Variants in RUBCN observed in about 807,000 individuals in gnomAD.
RUBCN encodes the protein rubicon autophagy regulator.
In RUBCN, 74 loss-of-function variants were observed where a neutral mutation model predicts 113.2. That is an observed-to-expected ratio of 0.65 (90% CI 0.54 to 0.79). The LOEUF (loss-of-function observed/expected upper bound fraction) is 0.79, where lower values mean the gene tolerates loss of function less well. Ranked by LOEUF, RUBCN falls within the 30% of genes least tolerant of loss-of-function variation. RUBCN has a pLI of 0.00. For missense variants in RUBCN, 1,109 were observed against 1,251.7 expected (o/e 0.89, Z 1.72); for synonymous variants, 480 against 490.0 (o/e 0.98, Z 0.27).
chr3:197,732,051 T>C (rs1727568492), intron 1 of RUBCN, among the ~76,000 whole-genome samples: 1 of 152,210 alleles, frequency 6.6e-6, no homozygotes, highest in Non-Finnish European at 1.5e-5. Context: ...AAAATGCTAT[T>C]AACAGAGATC....
At chr3:197,733,954 G>A (rs1441196876) in intron 1 of RUBCN, among the ~76,000 whole-genome samples, 5 of 152,042 alleles carry the variant, frequency 3.3e-5, no homozygotes, top group Admixed American at 3.3e-4. Flanking sequence ...CATAGGGTGA[G>A]TATTAAAAGT....
At chr3:197,742,527 C>T (rs572117340) in intron 1 of RUBCN, among the ~76,000 whole-genome samples, 19 of 152,314 alleles carry the variant, frequency 1.2e-4, no homozygotes, top group African/African-American at 3.8e-4. Flanking sequence ...TGAGCAAATC[C>T]TTAACATAGT....
chr3:197,699,849 T>A (rs1723439478), intron 7 of RUBCN, among the ~76,000 whole-genome samples: 2 of 152,190 alleles, frequency 1.3e-5, no homozygotes, highest in South Asian at 4.1e-4. Context: ...TATATTTTAT[T>A]TCTGGGGCTT....
intron 7 of RUBCN, among the ~76,000 whole-genome samples, chr3:197,698,547 A>G (rs898924905): frequency 6.6e-6 from 1 of 152,218 alleles, no homozygotes; most frequent in Non-Finnish European, 1.5e-5. Context: ...AAGAAAAAGG[A>G]AACGGAACTG....
Position 197,669,957 on chromosome 3 carries a change from C to T in RUBCN, c.*5061G>A, listed in dbSNP as rs911095948. Among the ~76,000 whole-genome samples, 17 of 152,264 alleles carry T rather than the reference C, an allele frequency of 1.1e-4. No individual in the cohort carries two copies. Among genetic ancestry groups the T allele is most frequent in the South Asian group, 2.1e-4 (1 of 4,822 alleles). ...AGGGTGGAGTGCAGTGGCGTGATCT[C>T]GGCTCACTGCAACCTCCGCCACCCG... On this transcript the variant is annotated 3_prime_UTR_variant, in exon 20 of 20. Coordinates refer to ENST00000296343, the MANE Select transcript of RUBCN (RefSeq NM_014687.4).
chr3:197,689,878 T>A (rs927922884), intron 11 of RUBCN, among the ~76,000 whole-genome samples: 1 of 152,198 alleles, frequency 6.6e-6, no homozygotes, highest in African/African-American at 2.4e-5. Context: ...ACAGCCACGC[T>A]ACTGTGCTAC....
At chr3:197,694,291 C>G in intron 10 of RUBCN, 84 bp downstream of exon 10, 1 of 1,153,878 alleles carries the variant, frequency 8.7e-7, no homozygotes, top group Non-Finnish European at 1.3e-6. Flanking sequence ...CATCTGACAG[C>G]AGAGGAACCA....
Position 197,682,538 on chromosome 3 carries a change from A to G in RUBCN, c.2058T>C (p.Arg686=), listed in dbSNP as rs1272199862. 1.2e-6 allele frequency: 2 copies of G among 1,614,196 alleles called. No homozygotes were observed. The highest frequency in any genetic ancestry group is 1.6e-4 in the Middle Eastern group (1 of 6,062). Residue 686 remains arginine (R), a synonymous_variant, in exon 14 of 20, where the codon CGT becomes CGC. Transcript: ENST00000296343. ...GGGCCCACTCCAAGTTGCCACGAAC[A>G]CGAATCCGCAGCTTGTAGATGTCAG... The part of the protein sequence containing the change: ...QHADIYKLRI[R]VRGNLEWAPP...
chr3:197,712,394 G>C (rs1050828108), intron 2 of RUBCN, among the ~76,000 whole-genome samples: 2 of 152,126 alleles, frequency 1.3e-5, no homozygotes, highest in Non-Finnish European at 2.9e-5. Flanking sequence ...GAGCCCAGAG[G>C]GGACATGAGC....
Position 197,674,076 on chromosome 3 carries a change from G to A in RUBCN, c.*942C>T, listed in dbSNP as rs1418761254. 1 of 152,338 alleles carries A rather than the reference G, an allele frequency of 6.6e-6. No individual in the cohort carries two copies. The highest frequency in any genetic ancestry group is 1.5e-5 in the Non-Finnish European group (1 of 68,134). The allele number at this position is 152,338 out of a possible 1,614,324, so 9.4% of individuals were successfully genotyped here. ...GACAGAGTCATCAGGGACACGCTAAGAAGATGGTGGGTGAGGTTCCTGTCC... is the reference window on the plus strand; with the variant it reads ...GACAGAGTCATCAGGGACACGCTAAAAAGATGGTGGGTGAGGTTCCTGTCC... On this transcript the variant is annotated 3_prime_UTR_variant, in exon 20 of 20. Transcript: ENST00000296343.
intron 1 of RUBCN, among the ~76,000 whole-genome samples, chr3:197,723,013 G>A (rs1194757638): frequency 6.6e-6 from 1 of 151,958 alleles, no homozygotes; most frequent in Non-Finnish European, 1.5e-5. Flanking sequence ...TTTTTTTACA[G>A]TTCCTTTCTT....
chr3:197,714,164 C>T (rs575277509), intron 2 of RUBCN, among the ~76,000 whole-genome samples: 36 of 152,232 alleles, frequency 2.4e-4, no homozygotes, highest in African/African-American at 8.4e-4. Context: ...AAAATGTGAG[C>T]AGTCTGATTC....
Position 197,682,554 on chromosome 3 carries a change from T to C in RUBCN, c.2042A>G (p.Tyr681Cys). Residue 681 changes from tyrosine to cysteine, a missense_variant, in exon 14 of 20, where the codon TAC becomes TGC. Physicochemically the swap from Tyr to Cys is radical, Grantham distance 194 (BLOSUM62 -2). Around this residue, in one of 3 missense-constraint regions of RUBCN, gnomAD observed 67 missense variants for 123.2 expected, o/e 0.54. Transcript: ENST00000296343. Reference protein sequence around the residue: ...SPDDGQHADIYKLRIRVRGNL... With the variant: ...SPDDGQHADICKLRIRVRGNL... ...GCCACGAACACGAATCCGCAGCTTG[T>C]AGATGTCAGCGTGCTGCCCGTCATC... 1 of 1,614,078 alleles carries C rather than the reference T, an allele frequency of 6.2e-7. No individual in the cohort carries two copies. Among genetic ancestry groups the C allele is most frequent in the Non-Finnish European group, 8.5e-7 (1 of 1,180,020 alleles).
Position 197,683,729 on chromosome 3 carries a change from T to C in RUBCN, c.1848-290A>G, listed in dbSNP as rs1426023184. Among the ~76,000 whole-genome samples the C allele has an allele frequency of 6.6e-6, 1 of 152,300 alleles. No homozygotes were observed. Among genetic ancestry groups the C allele is most frequent in the Non-Finnish European group, 1.5e-5 (1 of 68,032 alleles). On this transcript the variant is annotated intron_variant, in intron 12 of 19. Coordinates refer to ENST00000296343, the MANE Select transcript of RUBCN (RefSeq NM_014687.4). This position sits in a 1 kb window ranked among gnomAD's most constrained non-coding sequence, Gnocchi z 4.6. ...TCCTCTAACAGCAAAATGGAGATTA[T>C]AATGCCTGCTTACAAAACAAAGTGA... is the stretch of plus-strand genomic sequence containing the variant.
chr3:197,736,928 A>C, upstream of RUBCN: 1 of 1,346,290 alleles, frequency 7.4e-7, no homozygotes, highest in South Asian at 1.8e-5. Flanking sequence ...TCCGGGGACT[A>C]CAGCCCCCGG....
At chr3:197,695,613 A>C in intron 9 of RUBCN, among the ~76,000 whole-genome samples, 1 of 152,108 alleles carries the variant, frequency 6.6e-6, no homozygotes, top group East Asian at 1.9e-4. Flanking sequence ...AAAAAACAAA[A>C]ACACACACAC....
intron 1 of RUBCN, among the ~76,000 whole-genome samples, chr3:197,724,791 G>T (rs962901964): frequency 2.0e-5 from 3 of 152,198 alleles, no homozygotes; most frequent in Non-Finnish European, 2.9e-5. Context: ...AATATGAAAA[G>T]AAATAATACG....
chr3:197,749,516 T>C, exon 1 of RUBCN: 4 of 1,289,212 alleles, frequency 3.1e-6, no homozygotes, highest in Non-Finnish European at 4.0e-6. Flanking sequence ...CTCGCAGGGG[T>C]CTGTCCTGCC....
Position 197,675,411 on chromosome 3 carries a change from C to A in RUBCN, c.2740+11G>T, listed in dbSNP as rs769055546. ...CAGGCTCACTTGCCCGATGCCTGCA[C>A]CTGCCCTCACCTTCACAGGTCCGGC... On this transcript the variant is annotated intron_variant, in intron 19 of 19. Coordinates refer to ENST00000296343, the MANE Select transcript of RUBCN (RefSeq NM_014687.4). The surrounding 1 kb of genome is among the most constrained non-coding windows in gnomAD (Gnocchi z 4.4). 25 of 1,609,828 alleles carry A rather than the reference C, an allele frequency of 1.6e-5. No homozygotes were observed. The highest frequency in any genetic ancestry group is 5.0e-5 in the Admixed American group (3 of 60,010).
Sources: gnomAD v4.1 joint callset for allele counts (sites outside exome capture counted in the v4.1 genomes callset) on GRCh38, gnomAD v4.1.1 for gene constraint, gnomAD v4.1.1 regional missense constraint, Gnocchi (gnomAD v3.1) non-coding constraint, MANE v1.5 for transcripts, NCBI Gene and HGNC (gene_info 2026-07-23, HGNC 2026-07-21) for gene names.